PLA2G12A: variants seen among roughly 807,000 people sequenced by gnomAD.
The protein encoded by PLA2G12A is group XIIA secretory phospholipase A2.
In PLA2G12A, 11 loss-of-function variants were observed where a neutral mutation model predicts 16.0. The observed-to-expected ratio is 0.69, with a 90% CI of 0.43 to 1.13. The LOEUF is 1.13. Among genes scored for constraint, PLA2G12A ranks in the 50% most tolerant of loss-of-function variants. The probability of loss-of-function intolerance (pLI) is 0.00; values close to 1 mark genes in which losing one functional copy is unlikely to be tolerated. For synonymous variants in PLA2G12A, 77 were observed against 93.8 expected, an observed-to-expected ratio of 0.82 and a Z score of 1.03; for missense variants, 214 against 237.3, an observed-to-expected ratio of 0.90 and a Z score of 0.65.
intron 1 of PLA2G12A, among the ~76,000 whole-genome samples, chr4:109,720,614 T>A (rs1267700892): frequency 4.1e-4 from 16 of 38,660 alleles, no homozygotes; most frequent in East Asian, 7.0e-4. Flanking sequence ...AATATATATA[T>A]ATATATATAT....
chr4:109,727,701 TGAGGCAGGAGA>T, intron 1 of PLA2G12A, among the ~76,000 whole-genome samples: 1 of 152,126 alleles, frequency 6.6e-6, no homozygotes, highest in Admixed American at 6.5e-5. Context: ...TTTGGGAAGC[TGAGGCAGGAGA>T]ATTGCTTGAG....
rs1730792583 is a variant in PLA2G12A at position 109,714,496 on chromosome 4, C to T, written c.452-1G>A. The T allele has an allele frequency of 9.4e-6, 15 of 1,598,430 alleles. No individual in the cohort carries two copies. Among genetic ancestry groups the T allele is most frequent in the Non-Finnish European group, 1.3e-5 (15 of 1,165,954 alleles). ...AAGAGCTCCACTGTTGTTTCACATG[C>T]TGCAAAACAAGAAAATGGGATTACT... On this transcript the variant is annotated splice_acceptor_variant, in intron 3 of 3. Coordinates refer to ENST00000243501, the MANE Select transcript of PLA2G12A (RefSeq NM_030821.5). LOFTEE classifies it high-confidence loss of function.
In PLA2G12A at chr4:109,713,898, G is replaced by C. The variant is rs1189324266; in HGVS notation, c.*479C>G. ...TTACATATTATGTGTAATTAAAATAGAAAAAAAAAGTCCGTTCCTTCTAGG... is the reference window on the plus strand; with the variant it reads ...TTACATATTATGTGTAATTAAAATACAAAAAAAAAGTCCGTTCCTTCTAGG... On this transcript the variant is annotated 3_prime_UTR_variant, in exon 4 of 4. Transcript: ENST00000243501. 6.5e-6 allele frequency: 1 copy of C among 153,516 alleles called. No homozygotes were observed. Among genetic ancestry groups the C allele is most frequent in the Non-Finnish European group, 1.4e-5 (1 of 69,454 alleles). The allele number at this position is 153,516 out of a possible 1,614,324, so 9.5% of individuals were successfully genotyped here.
chr4:109,729,574 C>T (rs1723006429), intron 1 of PLA2G12A, 28 bp downstream of exon 1: 2 of 1,597,248 alleles, frequency 1.3e-6, no homozygotes, highest in Non-Finnish European at 1.7e-6. Context: ...AAAGCACGAG[C>T]CCTCGCTGGG....
At position 109,729,882 on chromosome 4, in the gene PLA2G12A, G is replaced by T. The variant is rs1275062626; in HGVS notation, c.-73C>A. ...CGTCCCCACAGAGTCCCCAGGACGC[G>T]CTAGGCAGCGGCGCGGGCCCCGGAC... On this transcript the variant is annotated 5_prime_UTR_variant, in exon 1 of 4. Transcript: ENST00000243501. 45 of 1,343,564 alleles carry T rather than the reference G, an allele frequency of 3.3e-5. No individual in the cohort carries two copies. The highest frequency in any genetic ancestry group is 4.0e-5 in the Non-Finnish European group (40 of 1,012,648). 83.2% of individuals were successfully genotyped at this position (1,343,564 alleles called of 1,614,324 possible).
intron 1 of PLA2G12A, among the ~76,000 whole-genome samples, chr4:109,720,642 T>G (rs1730922471): frequency 9.5e-6 from 1 of 104,934 alleles, no homozygotes; most frequent in Admixed American, 1.0e-4. Context: ...TATATATATA[T>G]ATGAATTTTA....
rs766143500 is a variant in PLA2G12A at position 109,713,080 on chromosome 4, C to T, written c.*1297G>A. On this transcript the variant is annotated 3_prime_UTR_variant, in exon 4 of 4. Transcript: ENST00000243501. ...CTACCTGTAATGACTTACAAATAAC[C>T]GCCTCTCCCTATGCTGTCCTTCTCT... The T allele has an allele frequency of 5.3e-5, 8 of 152,150 alleles. No individual in the cohort carries two copies. The highest frequency in any genetic ancestry group is 1.2e-4 in the Non-Finnish European group (8 of 68,040). The allele number at this position is 152,150 out of a possible 1,614,324, so 9.4% of individuals were successfully genotyped here.
rs1296108334 is a variant in PLA2G12A at position 109,711,526 on chromosome 4, C to A, written c.*2851G>T. 1 of 152,138 alleles carries A rather than the reference C, an allele frequency of 6.6e-6. No individual in the cohort carries two copies. Among genetic ancestry groups the A allele is most frequent in the African/African-American group, 2.4e-5 (1 of 41,422 alleles). 9.4% of individuals were successfully genotyped at this position (152,138 alleles called of 1,614,324 possible). A position where few individuals can be genotyped will look rare whatever the true frequency, so the allele number is the denominator to read the frequency against. On this transcript the variant is annotated 3_prime_UTR_variant, in exon 4 of 4. Coordinates refer to ENST00000243501, the MANE Select transcript of PLA2G12A (RefSeq NM_030821.5). Reference sequence around the variant, plus strand: ...CCAACCTGGCAGAACTCCTAATAGCCAAGCTGGACAACTTAAGCAACAAAA... The same window carrying A: ...CCAACCTGGCAGAACTCCTAATAGCAAAGCTGGACAACTTAAGCAACAAAA...
intron 3 of PLA2G12A, among the ~76,000 whole-genome samples, chr4:109,716,386 C>T (rs1248210031): frequency 6.6e-6 from 1 of 152,202 alleles, no homozygotes; most frequent in Non-Finnish European, 1.5e-5. Context: ...GGGGATAACA[C>T]TACCTACCTC....
intron 3 of PLA2G12A, among the ~76,000 whole-genome samples, chr4:109,715,728 G>A (rs376694755): frequency 2.6e-4 from 39 of 151,988 alleles, no homozygotes; most frequent in African/African-American, 9.2e-4. Flanking sequence ...ACCAGCCAAG[G>A]CCTCCCAAAG....
intron 1 of PLA2G12A, among the ~76,000 whole-genome samples, chr4:109,723,060 G>A (rs1390158404): frequency 6.6e-6 from 1 of 152,170 alleles, no homozygotes; most frequent in Non-Finnish European, 1.5e-5. Context: ...ATGACTTCTA[G>A]CTTGTCACAT....
In PLA2G12A at chr4:109,711,603, A is replaced by G. The variant is rs1416058945; in HGVS notation, c.*2774T>C. ...AATATACATGAGTCCATACTGATGT[A>G]AACAAATTAGGGTGGGAGGGAGAAA... On this transcript the variant is annotated 3_prime_UTR_variant, in exon 4 of 4. Transcript: ENST00000243501. 1 of 152,234 alleles carries G rather than the reference A, an allele frequency of 6.6e-6. No homozygotes were observed. Among genetic ancestry groups the G allele is most frequent in the East Asian group, 1.9e-4 (1 of 5,200 alleles). 9.4% of individuals were successfully genotyped at this position (152,234 alleles called of 1,614,324 possible).
Position 109,714,071 on chromosome 4 carries a change from T to A in PLA2G12A, c.*306A>T. ...GGTAAATGTGGTTGTGAAAATTGAG[T>A]TATATATTCCTCTTTTCAAAATTCT... On this transcript the variant is annotated 3_prime_UTR_variant, in exon 4 of 4. Coordinates refer to ENST00000243501, the MANE Select transcript of PLA2G12A (RefSeq NM_030821.5). 4.1e-6 allele frequency: 1 copy of A among 241,664 alleles called. No homozygotes were observed. Among genetic ancestry groups the A allele is most frequent in the Non-Finnish European group, 8.0e-6 (1 of 124,368 alleles). 15.0% of individuals were successfully genotyped at this position (241,664 alleles called of 1,614,324 possible). A position where few individuals can be genotyped will look rare whatever the true frequency, so the allele number is the denominator to read the frequency against.
chr4:109,715,454 T>TTTTATTTA (rs150366202), intron 3 of PLA2G12A, among the ~76,000 whole-genome samples: 179 of 150,762 alleles, frequency 1.2e-3, no homozygotes, highest in East Asian at 6.6e-3. Flanking sequence ...GGTAGGTTTA[T>TTTTATTTA]TTTATTTATT....
intron 1 of PLA2G12A, among the ~76,000 whole-genome samples, chr4:109,727,643 G>C (rs1579127600): frequency 6.6e-6 from 1 of 152,040 alleles, no homozygotes; most frequent in African/African-American, 2.4e-5. Context: ...AGATTAAAAA[G>C]AAAGATTAAG....
At chr4:109,727,345 A>T (rs1393269856) in intron 1 of PLA2G12A, among the ~76,000 whole-genome samples, 1 of 152,040 alleles carries the variant, frequency 6.6e-6, no homozygotes, top group Admixed American at 6.5e-5. Context: ...TCCTGAGCTC[A>T]ACTGATCCGC....
At chr4:109,725,585 G>T (rs1457133469) in intron 1 of PLA2G12A, among the ~76,000 whole-genome samples, 1 of 152,220 alleles carries the variant, frequency 6.6e-6, no homozygotes, top group African/African-American at 2.4e-5. Flanking sequence ...AATCCACTGT[G>T]TACAACTGCA....
chr4:109,723,530 G>C (rs929436235), intron 1 of PLA2G12A, among the ~76,000 whole-genome samples: 1 of 152,280 alleles, frequency 6.6e-6, no homozygotes, highest in Admixed American at 6.5e-5. Flanking sequence ...TCTCACAGGA[G>C]TATCATGAGA....
At position 109,717,728 on chromosome 4, in the gene PLA2G12A, T is replaced by C; in HGVS notation, c.286-15A>G. ...CCAATGTTAAGCTGCAAAAGGCATT[T>C]GGATGGATTACTGTCAATGAAATGC... On this transcript the variant is annotated splice_polypyrimidine_tract_variant and intron_variant, in intron 2 of 3. Transcript: ENST00000243501. The C allele has an allele frequency of 1.2e-6, 2 of 1,612,172 alleles. No homozygotes were observed. Among genetic ancestry groups the C allele is most frequent in the Non-Finnish European group, 8.5e-7 (1 of 1,178,480 alleles).
Sources: gnomAD v4.1 joint callset for allele counts (sites outside exome capture counted in the v4.1 genomes callset) on GRCh38, gnomAD v4.1.1 for gene constraint, MANE v1.5 for transcripts, NCBI Gene and HGNC (gene_info 2026-07-23, HGNC 2026-07-21) for gene names.